The following LIFR variants were observed in gnomAD, a reference collection of about 807,000 sequenced individuals.
LIFR encodes LIF receptor subunit alpha.
LIFR carries 84 observed loss-of-function variants against 122.2 expected under a neutral mutation model. That is an observed-to-expected ratio of 0.69 (90% CI 0.58 to 0.82). The LOEUF (loss-of-function observed/expected upper bound fraction) is 0.82, where lower values mean the gene tolerates loss of function less well. Among genes scored for constraint, LIFR ranks in the 40% least tolerant of loss-of-function variants. The pLI is 0.00. For missense variants in LIFR, 1,294 were observed against 1,311.6 expected (o/e 0.99, Z 0.21); for synonymous variants, 422 against 434.7 (o/e 0.97, Z 0.36).
intron 1 of LIFR, among the ~76,000 whole-genome samples, chr5:38,578,769 C>T (rs1749481527): frequency 6.6e-6 from 1 of 152,128 alleles, no homozygotes; most frequent in African/African-American, 2.4e-5. Flanking sequence ...GTTGGATAGG[C>T]TGGTCTCAAA....
chr5:38,527,325 A>C (rs1345396523), intron 3 of LIFR, 31 bp from the exon 4 acceptor site: 3 of 1,316,132 alleles, frequency 2.3e-6, no homozygotes, highest in African/African-American at 1.5e-5. Context: ...TTAATTAGCA[A>C]ATAAAATTAA....
intron 1 of LIFR, among the ~76,000 whole-genome samples, chr5:38,572,433 A>G (rs1260856608): frequency 1.3e-5 from 2 of 152,222 alleles, no homozygotes; most frequent in Admixed American, 6.5e-5. Context: ...CCCATGATTC[A>G]TTCATATCCC....
intron 1 of LIFR, among the ~76,000 whole-genome samples, chr5:38,579,774 ACT>A (rs1749522172): frequency 6.6e-6 from 1 of 152,128 alleles, no homozygotes; most frequent in African/African-American, 2.4e-5. Flanking sequence ...TGCATAATAA[ACT>A]CTGTGTAGCT....
intron 9 of LIFR, among the ~76,000 whole-genome samples, chr5:38,505,148 T>C (rs1745399042): frequency 2.1e-5 from 3 of 139,622 alleles, no homozygotes; most frequent in Non-Finnish European, 4.5e-5. Flanking sequence ...ACAACATGGA[T>C]GGCTCTCCAG....
At chr5:38,502,261 T>C (rs1367378478) in intron 11 of LIFR, among the ~76,000 whole-genome samples, 1 of 152,116 alleles carries the variant, frequency 6.6e-6, no homozygotes, top group Non-Finnish European at 1.5e-5. Context: ...ATAGCATTTT[T>C]TTTTTCTTAT....
intron 8 of LIFR, 120 bp from the exon 9 acceptor site, chr5:38,506,194 T>TAC: frequency 1.5e-6 from 1 of 681,442 alleles, no homozygotes; most frequent in Non-Finnish European, 2.5e-6. Context: ...AGAAGCATAT[T>TAC]ACATACTCAG....
At chr5:38,550,422 G>A (rs1189954689) in intron 1 of LIFR, among the ~76,000 whole-genome samples, 1 of 152,166 alleles carries the variant, frequency 6.6e-6, no homozygotes, top group Non-Finnish European at 1.5e-5. Context: ...AATGGCTTTA[G>A]AAAATCCAGT....
chr5:38,578,975 G>A (rs568887054), intron 1 of LIFR, among the ~76,000 whole-genome samples: 27 of 152,224 alleles, frequency 1.8e-4, no homozygotes, highest in African/African-American at 6.5e-4. Flanking sequence ...AATCAATACA[G>A]AATGAGTACA....
intron 13 of LIFR, 138 bp from the exon 14 acceptor site, chr5:38,493,923 G>T: frequency 1.4e-6 from 1 of 724,336 alleles, no homozygotes; most frequent in Non-Finnish European, 2.4e-6. Flanking sequence ...GATAAACCTA[G>T]AGCAAAGATT....
At chr5:38,515,320 C>G (rs1746014403) in intron 5 of LIFR, among the ~76,000 whole-genome samples, 1 of 151,660 alleles carries the variant, frequency 6.6e-6, no homozygotes, top group Non-Finnish European at 1.5e-5. Context: ...GGTTGGGAAG[C>G]CAGCCAGAAA....
At chr5:38,515,406 C>T (rs1746022049) in intron 5 of LIFR, among the ~76,000 whole-genome samples, 3 of 152,078 alleles carry the variant, frequency 2.0e-5, no homozygotes, top group Admixed American at 2.0e-4. Flanking sequence ...GAGATCTACA[C>T]AGCCTGCAAA....
intron 16 of LIFR, among the ~76,000 whole-genome samples, chr5:38,487,492 T>C (rs1269347974): frequency 1.3e-5 from 2 of 152,298 alleles, no homozygotes; most frequent in Admixed American, 1.3e-4. Context: ...CTTGGAAAAT[T>C]CATAATGACA....
intron 1 of LIFR, among the ~76,000 whole-genome samples, chr5:38,552,210 G>A (rs1748242758): frequency 6.6e-6 from 1 of 152,190 alleles, no homozygotes; most frequent in African/African-American, 2.4e-5. Context: ...AAATAAAAAA[G>A]TTAAAAACCA....
At chr5:38,566,436 C>G (rs997102388) in intron 1 of LIFR, among the ~76,000 whole-genome samples, 1 of 152,120 alleles carries the variant, frequency 6.6e-6, no homozygotes, top group African/African-American at 2.4e-5. Context: ...CCCCCAGCCA[C>G]TAACACAGCA....
At chr5:38,571,350 G>A (rs1041071206) in intron 1 of LIFR, among the ~76,000 whole-genome samples, 1 of 151,972 alleles carries the variant, frequency 6.6e-6, no homozygotes, top group African/African-American at 2.4e-5. Flanking sequence ...TCAGGAGTTC[G>A]AGACCAGCCT....
intron 1 of LIFR, among the ~76,000 whole-genome samples, chr5:38,533,098 A>G (rs1747105481): frequency 1.3e-5 from 2 of 152,238 alleles, no homozygotes; most frequent in South Asian, 4.1e-4. Context: ...GATGAGGTAG[A>G]AATCTGGCAT....
intron 5 of LIFR, among the ~76,000 whole-genome samples, chr5:38,516,219 T>C (rs369783149): frequency 6.6e-6 from 1 of 152,318 alleles, no homozygotes; most frequent in East Asian, 1.9e-4. Flanking sequence ...TTGATTTCAC[T>C]CACATTTCAG....
intron 1 of LIFR, among the ~76,000 whole-genome samples, chr5:38,582,386 A>G (rs1253565241): frequency 1.3e-5 from 2 of 152,186 alleles, no homozygotes; most frequent in African/African-American, 4.8e-5. Flanking sequence ...AGTTGGAAGG[A>G]TCAGTGAGAC....
At chr5:38,545,681 T>A (rs1408201891) in intron 1 of LIFR, among the ~76,000 whole-genome samples, 1 of 151,672 alleles carries the variant, frequency 6.6e-6, no homozygotes, top group Admixed American at 6.6e-5. Flanking sequence ...GCTAACACAG[T>A]GAAACCCTGT....
Sources: gnomAD v4.1 joint callset for allele counts (sites outside exome capture counted in the v4.1 genomes callset) on GRCh38, gnomAD v4.1.1 for gene constraint, MANE v1.5 for transcripts, NCBI Gene and HGNC (gene_info 2026-07-23, HGNC 2026-07-21) for gene names.